Variants in KLF13 observed in about 807,000 individuals in gnomAD.
KLF13 encodes the protein KLF transcription factor 13.
A neutral mutation model predicts 16.7 loss-of-function variants in KLF13; 8 were observed. The ratio of observed to expected loss-of-function variants is 0.48; its 90% confidence interval spans 0.28 to 0.87. KLF13 has a LOEUF of 0.87. Among genes scored for constraint, KLF13 ranks in the 40% least tolerant of loss-of-function variants. The probability of loss-of-function intolerance (pLI) is 0.10; values close to 1 mark genes in which losing one functional copy is unlikely to be tolerated. For missense variants in KLF13, 447 were observed against 452.2 expected (o/e 0.99, Z 0.10); for synonymous variants, 245 against 208.4 (o/e 1.18, Z -1.51).
At chr15:31,404,571 C>T (rs2040088252) in exon 3 of KLF13, 1 of 152,170 alleles carries the variant, frequency 6.6e-6, no homozygotes. Flanking sequence ...GACCAATCAG[C>T]ACTCTGTAAA....
rs200330116 is a variant in KLF13 at position 31,397,877 on chromosome 15, G to GC, written n.529+4186_529+4187insC. Among the ~76,000 whole-genome samples the GC allele has an allele frequency of 2.0e-3, 295 of 149,730 alleles. 3 individuals carry two copies. Among genetic ancestry groups the GC allele is most frequent in the Middle Eastern group, 0.017 (5 of 286 alleles). On this transcript the variant is annotated intron_variant and non_coding_transcript_variant, in intron 2 of 2. Transcript: ENST00000500533. ...CTCTGGTCTTTGGGGGTGGCGGCGGGGGGGGTGGTGATCCACTCTCCCTGG... is the reference window on the plus strand; with the variant it reads ...CTCTGGTCTTTGGGGGTGGCGGCGGGCGGGGGTGGTGATCCACTCTCCCTGG...
At position 31,327,182 on chromosome 15, in the gene KLF13, A is replaced by G. The variant is rs1316315324; in HGVS notation, c.-31A>G. The G allele has an allele frequency of 2.1e-5, 25 of 1,201,566 alleles. No individual in the cohort carries two copies. The East Asian group carries it at 5.9e-4, about 28-fold the overall frequency. The allele number at this position is 1,201,566 out of a possible 1,614,324, so 74.4% of individuals were successfully genotyped here. A position where few individuals can be genotyped will look rare whatever the true frequency, so the allele number is the denominator to read the frequency against. ...GGATGCGCGGCTGACGACTCGCAGCAAGAGCACCGCCGCCGGCCCCAGCCC... is the reference window on the plus strand; with the variant it reads ...GGATGCGCGGCTGACGACTCGCAGCGAGAGCACCGCCGCCGGCCCCAGCCC... On this transcript the variant is annotated 5_prime_UTR_variant, in exon 1 of 2. Coordinates refer to ENST00000307145, the MANE Select transcript of KLF13 (RefSeq NM_015995.4).
chr15:31,390,857 G>C (rs909998823), upstream of KLF13, among the ~76,000 whole-genome samples: 30 of 151,700 alleles, frequency 2.0e-4, no homozygotes, highest in Admixed American at 5.9e-4. Context: ...TGCTCCCTGA[G>C]CTGAAACAGG....
At chr15:31,366,674 C>G (rs2039476535) in intron 1 of KLF13, 1 of 143,952 alleles carries the variant, frequency 6.9e-6, no homozygotes, top group Non-Finnish European at 1.5e-5. Flanking sequence ...CTCCCTTTGC[C>G]TTAGAATGGG....
At chr15:31,407,566 A>G (rs2040143991), downstream of KLF13, among the ~76,000 whole-genome samples, 1 of 152,230 alleles carries the variant, frequency 6.6e-6, no homozygotes, top group African/African-American at 2.4e-5. Context: ...AAAGATTTTA[A>G]AAGTTAACCA....
chr15:31,328,879 T>G (rs1334140983), intron 1 of KLF13, among the ~76,000 whole-genome samples: 1 of 152,322 alleles, frequency 6.6e-6, no homozygotes, highest in East Asian at 1.9e-4. Context: ...TCTTCTACCT[T>G]GGGGGCAGGC....
downstream of KLF13, among the ~76,000 whole-genome samples, chr15:31,404,906 G>T (rs1320484644): frequency 6.6e-6 from 1 of 152,198 alleles, no homozygotes; most frequent in Non-Finnish European, 1.5e-5. Context: ...TCTTCACTCA[G>T]GGGTATGGAT....
chr15:31,428,389 A>C (rs772804465), intron 1 of KLF13, among the ~76,000 whole-genome samples: 35 of 152,232 alleles, frequency 2.3e-4, no homozygotes, highest in Non-Finnish European at 4.7e-4. Context: ...TATGGATTGC[A>C]AGGCTCAGTA....
downstream of KLF13, among the ~76,000 whole-genome samples, chr15:31,382,236 G>A (rs990197859): frequency 6.6e-6 from 1 of 152,190 alleles, no homozygotes; most frequent in Admixed American, 6.5e-5. Flanking sequence ...GAGGCCTGCC[G>A]GGCAGCAGCC....
intron 1 of KLF13, among the ~76,000 whole-genome samples, chr15:31,366,834 C>T (rs911460096): frequency 6.6e-6 from 1 of 150,720 alleles, no homozygotes; most frequent in African/African-American, 2.4e-5. Context: ...AGGACACTCG[C>T]AGGTGCCTCA....
intron 1 of KLF13, among the ~76,000 whole-genome samples, chr15:31,361,540 A>C (rs2039387910): frequency 6.6e-6 from 1 of 152,054 alleles, no homozygotes; most frequent in South Asian, 2.1e-4. Context: ...CCTGCAGGCA[A>C]GGTCCCCCCC....
intron 1 of KLF13, among the ~76,000 whole-genome samples, chr15:31,328,017 CG>C (rs921088105): frequency 4.7e-5 from 7 of 147,842 alleles, no homozygotes; most frequent in Non-Finnish European, 1.1e-4. Context: ...GCGCCCCCGC[CG>C]GGCACGCCCC....
chr15:31,335,001 C>T (rs2140933530), intron 1 of KLF13, among the ~76,000 whole-genome samples: 1 of 152,318 alleles, frequency 6.6e-6, no homozygotes, highest in South Asian at 2.1e-4. Flanking sequence ...CAGAAGAAAT[C>T]CTCACCCAAC....
At chr15:31,349,297 T>C (rs2039178644) in intron 1 of KLF13, among the ~76,000 whole-genome samples, 1 of 152,192 alleles carries the variant, frequency 6.6e-6, no homozygotes, top group Admixed American at 6.5e-5. Context: ...GAGGGGAGGC[T>C]GACACTGCTT....
In KLF13 at chr15:31,327,167, C is replaced by A; in HGVS notation, c.-46C>A. On this transcript the variant is annotated 5_prime_UTR_variant, in exon 1 of 2. It adds an upstream start codon to the 5' untranslated region. Transcript: ENST00000307145. ...CGAGGCCGTGGGTGCGGATGCGCGG[C>A]TGACGACTCGCAGCAAGAGCACCGC... The A allele has an allele frequency of 8.2e-7, 1 of 1,220,192 alleles. No homozygotes were observed. Among genetic ancestry groups the A allele is most frequent in the Non-Finnish European group, 1.0e-6 (1 of 978,502 alleles). The allele number at this position is 1,220,192 out of a possible 1,614,324, so 75.6% of individuals were successfully genotyped here.
intron 1 of KLF13, among the ~76,000 whole-genome samples, chr15:31,333,640 T>C (rs1367626481): frequency 1.3e-5 from 2 of 152,214 alleles, no homozygotes; most frequent in Non-Finnish European, 2.9e-5. Context: ...TCTTTAAATA[T>C]TATATATTAT....
downstream of KLF13, among the ~76,000 whole-genome samples, chr15:31,381,084 A>G (rs1459473882): frequency 2.0e-5 from 3 of 149,908 alleles, no homozygotes; most frequent in Admixed American, 6.8e-5. Flanking sequence ...AGGCAGGAGA[A>G]CGGCTTGAAC....
chr15:31,376,061 G>A lies in KLF13; in HGVS notation c.*3762G>A, dbSNP rs368082680. On this transcript the variant is annotated 3_prime_UTR_variant, in exon 2 of 2. Transcript: ENST00000307145. The stretch of plus-strand genomic sequence containing the variant: ...TCAGAGGTGGGGATGGGCAGAGAGG[G>A]CTGGCCACTCTGCCTCAGGACTTGA... 4.6e-5 allele frequency: 7 copies of A among 152,780 alleles called. No individual in the cohort carries two copies. Among genetic ancestry groups the A allele is most frequent in the African/African-American group, 1.7e-4 (7 of 41,566 alleles). The allele number at this position is 152,780 out of a possible 1,614,324, so 9.5% of individuals were successfully genotyped here. A position where few individuals can be genotyped will look rare whatever the true frequency, so the allele number is the denominator to read the frequency against.
At chr15:31,328,499 G>A (rs1445825202) in intron 1 of KLF13, among the ~76,000 whole-genome samples, 2 of 151,970 alleles carry the variant, frequency 1.3e-5, no homozygotes, top group Admixed American at 6.5e-5. Context: ...CCGGCCCTAG[G>A]CTCCTCGGCC....
Sources: allele counts gnomAD v4.1 joint callset (sites outside exome capture counted in the v4.1 genomes callset), GRCh38; gene constraint gnomAD v4.1.1; transcripts MANE v1.5; gene names NCBI Gene and HGNC (gene_info 2026-07-23, HGNC 2026-07-21).